Variants in LANCL3 observed in about 807,000 individuals in gnomAD.
The protein encoded by LANCL3 is lanC-like protein 3.
LANCL3 carries 19 observed loss-of-function variants against 26.5 expected under a neutral mutation model. That is an observed-to-expected ratio of 0.72 (90% CI 0.50 to 1.05). The LOEUF (loss-of-function observed/expected upper bound fraction) is 1.05, where lower values mean the gene tolerates loss of function less well. Among genes scored for constraint, LANCL3 ranks in the 50% least tolerant of loss-of-function variants. The probability of loss-of-function intolerance (pLI) is 0.00; values close to 1 mark genes in which losing one functional copy is unlikely to be tolerated. For synonymous variants in LANCL3, 160 were observed against 166.6 expected, an observed-to-expected ratio of 0.96 and a Z score of 0.30; for missense variants, 318 against 362.7, an observed-to-expected ratio of 0.88 and a Z score of 1.00.
chrX:37,629,547 G>T (rs1925419960), intron 1 of LANCL3, among the ~76,000 whole-genome samples: 3 of 103,016 alleles, frequency 2.9e-5, no homozygotes, highest in Admixed American at 2.1e-4. Context: ...GAATGGTAAT[G>T]CCTAGGTTTT....
At chrX:37,623,291 C>A (rs1020111652) in intron 1 of LANCL3, among the ~76,000 whole-genome samples, 1 of 111,870 alleles carries the variant, frequency 8.9e-6, no homozygotes, top group African/African-American at 3.2e-5. Context: ...CCAGCTATAA[C>A]ATAGGTGTAA....
intron 1 of LANCL3, among the ~76,000 whole-genome samples, chrX:37,633,162 T>C (rs1374900928): frequency 1.4e-4 from 15 of 106,738 alleles, no homozygotes; most frequent in African/African-American, 5.2e-4. Flanking sequence ...TTTTTTTTTT[T>C]ATTCTTTTTT....
intron 3 of LANCL3, 66 bp from the exon 4 acceptor site, chrX:37,667,216 C>T (rs1926565334): frequency 1.5e-6 from 1 of 673,210 alleles, no homozygotes; most frequent in Non-Finnish European, 2.1e-6. Context: ...TTTTATTGTT[C>T]TGGAAGTTCT....
intron 2 of LANCL3, among the ~76,000 whole-genome samples, chrX:37,657,406 A>C (rs902925999): frequency 8.9e-6 from 1 of 111,733 alleles, no homozygotes; most frequent in Non-Finnish European, 1.9e-5. Context: ...TCTGTCACCC[A>C]GGCTGGAGTG....
In LANCL3 at chrX:37,571,703, C is replaced by A; in HGVS notation, c.-168C>A. The A allele has an allele frequency of 2.4e-6, 1 of 414,031 alleles. No individual in the cohort carries two copies. Among genetic ancestry groups the A allele is most frequent in the Non-Finnish European group, 4.0e-6 (1 of 250,846 alleles). 34.1% of individuals were successfully genotyped at this position (414,031 alleles called of 1,213,427 possible). ...CAGCCCGGCGCCCCACTTGGCCATC[C>A]GCTCCTTGCCCGCCTCCTCTTGTCA... On this transcript the variant is annotated 5_prime_UTR_variant, in exon 1 of 5. Transcript: ENST00000378619.
chrX:37,629,027 A>T (rs1319345367), intron 1 of LANCL3, among the ~76,000 whole-genome samples: 3 of 107,422 alleles, frequency 2.8e-5, no homozygotes, highest in Non-Finnish European at 5.8e-5. Context: ...CGCCACACTG[A>T]CTTCCACAAT....
intron 1 of LANCL3, among the ~76,000 whole-genome samples, chrX:37,611,964 T>C (rs960167818): frequency 2.7e-5 from 3 of 110,820 alleles, no homozygotes; most frequent in Non-Finnish European, 5.7e-5. Flanking sequence ...GAGTTGGAGT[T>C]TCGCTCTCGT....
intron 1 of LANCL3, among the ~76,000 whole-genome samples, chrX:37,620,035 C>T (rs1403212265): frequency 8.9e-6 from 1 of 112,242 alleles, no homozygotes; most frequent in East Asian, 2.8e-4. Flanking sequence ...AAACGTCTTT[C>T]CCTCTTAATT....
intron 1 of LANCL3, among the ~76,000 whole-genome samples, chrX:37,585,216 C>G (rs1924029078): frequency 9.0e-6 from 1 of 111,540 alleles, no homozygotes; most frequent in African/African-American, 3.3e-5. Context: ...TTACTTCCAA[C>G]TATGTGGTCA....
intron 1 of LANCL3, among the ~76,000 whole-genome samples, chrX:37,605,665 C>CT (rs1183844623): frequency 9.0e-6 from 1 of 111,595 alleles, no homozygotes; most frequent in Non-Finnish European, 1.9e-5. Context: ...ACACTCCCCA[C>CT]TTAGGGCCTT....
intron 1 of LANCL3, among the ~76,000 whole-genome samples, chrX:37,604,932 G>A (rs781794096): frequency 3.4e-4 from 38 of 112,719 alleles, no homozygotes; most frequent in Non-Finnish European, 6.4e-4. Context: ...TTCACAGCAT[G>A]TGGTCTCAGA....
chrX:37,585,637 T>C lies in LANCL3; in HGVS notation c.573+13194T>C, dbSNP rs1924047218. Among the ~76,000 whole-genome samples, 3 of 111,835 alleles carry C rather than the reference T, an allele frequency of 2.7e-5. No homozygotes were observed. In the Admixed American group the frequency reaches 2.8e-4, roughly 11 times the overall value. On this transcript the variant is annotated intron_variant, in intron 1 of 4. Transcript: ENST00000378619. ...ATGCAACCCCTGCCTTTTTTTGTTT[T>C]CCATTTGCTTGGTAGATCTCCCTCC...
chrX:37,650,593 G>T (rs1052480989), intron 1 of LANCL3, among the ~76,000 whole-genome samples: 4 of 106,670 alleles, frequency 3.7e-5, no homozygotes, highest in Non-Finnish European at 7.7e-5. Context: ...TGGAAAATTG[G>T]TAGGAAGCCC....
In LANCL3 at chrX:37,676,959, G is replaced by A. The variant is rs1381139436; in HGVS notation, c.*1146G>A. The A allele has an allele frequency of 1.8e-5, 2 of 111,880 alleles. No individual in the cohort carries two copies. Among genetic ancestry groups the A allele is most frequent in the Non-Finnish European group, 3.8e-5 (2 of 53,120 alleles). 9.2% of individuals were successfully genotyped at this position (111,880 alleles called of 1,213,427 possible). A position where few individuals can be genotyped will look rare whatever the true frequency, so the allele number is the denominator to read the frequency against. ...GTAAACACATAGAAGTTGTGAAACT[G>A]CTTCAAGTAAATAGTGGTTTGCAGA... On this transcript the variant is annotated 3_prime_UTR_variant, in exon 5 of 5. Transcript: ENST00000378619.
At chrX:37,669,481 T>A (rs1251864005) in intron 4 of LANCL3, among the ~76,000 whole-genome samples, 1 of 111,725 alleles carries the variant, frequency 9.0e-6, no homozygotes, top group Admixed American at 9.5e-5. Context: ...CCATCCCCTC[T>A]TGGTACTGTA....
chrX:37,592,690 T>G (rs1401583089), intron 1 of LANCL3, among the ~76,000 whole-genome samples: 1 of 111,742 alleles, frequency 8.9e-6, no homozygotes, highest in Non-Finnish European at 1.9e-5. Context: ...TCCCTGAAAG[T>G]TCAGCCAAAA....
chrX:37,630,240 G>A (rs868919618), intron 1 of LANCL3, among the ~76,000 whole-genome samples: 34 of 111,339 alleles, frequency 3.1e-4, no homozygotes, highest in Non-Finnish European at 5.1e-4. Context: ...CTCATGATTT[G>A]GCTCTCTGTT....
chrX:37,658,762 C>T (rs781897172), intron 2 of LANCL3, among the ~76,000 whole-genome samples: 1 of 111,941 alleles, frequency 8.9e-6, no homozygotes, highest in Admixed American at 9.5e-5. Flanking sequence ...TCAAATGTAT[C>T]GACCAAATCA....
chrX:37,639,043 A>G (rs989674931), intron 1 of LANCL3, among the ~76,000 whole-genome samples: 3 of 108,516 alleles, frequency 2.8e-5, no homozygotes, highest in Non-Finnish European at 5.7e-5. Flanking sequence ...CTGTTGACGT[A>G]TATTTAGGAA....
Sources: gnomAD v4.1 joint callset for allele counts (sites outside exome capture counted in the v4.1 genomes callset) on GRCh38, gnomAD v4.1.1 for gene constraint, MANE v1.5 for transcripts, NCBI Gene and HGNC (gene_info 2026-07-23, HGNC 2026-07-21) for gene names.